TYK2: variants seen among roughly 807,000 people sequenced by gnomAD.
TYK2 encodes non-receptor tyrosine-protein kinase TYK2.
TYK2 carries 65 observed loss-of-function variants against 130.9 expected under a neutral mutation model. The observed-to-expected ratio is 0.50, with a 90% CI of 0.41 to 0.61. TYK2 has a LOEUF of 0.61. Among genes scored for constraint, TYK2 ranks in the 20% least tolerant of loss-of-function variants. TYK2 has a pLI of 0.00. For missense variants in TYK2, 1,378 were observed against 1,610.7 expected (o/e 0.86, Z 2.47); for synonymous variants, 647 against 658.9 (o/e 0.98, Z 0.28).
In TYK2 at chr19:10,350,866, C is replaced by T. The variant is rs747542256; in HGVS notation, c.3532G>A (p.Gly1178Ser). ...ACGCTGAACACTGAAGGGGCCTGGC[C>T]TTGGTACTTCTCATGGACTGTCTTC... ...ILKTVHEKYQ[G>S]QAPSVFSVC The change falls in exon 25 of 25, where the codon GGC (glycine) becomes AGC (serine). Residue 1178 changes from glycine to serine, a missense_variant. Coordinates refer to ENST00000525621, the MANE Select transcript of TYK2 (RefSeq NM_003331.5). 2.5e-6 allele frequency: 4 copies of T among 1,614,022 alleles called. No individual in the cohort carries two copies. The highest frequency in any genetic ancestry group is 1.7e-4 in the Middle Eastern group (1 of 5,944).
intron 14 of TYK2, among the ~76,000 whole-genome samples, chr19:10,359,974 G>A (rs975136420): frequency 6.6e-6 from 1 of 151,200 alleles, no homozygotes; most frequent in African/African-American, 2.4e-5. Context: ...TCACGTCATT[G>A]CACTCCAGCC....
chr19:10,371,896 A>G (rs538211205), intron 3 of TYK2, among the ~76,000 whole-genome samples: 7 of 152,146 alleles, frequency 4.6e-5, no homozygotes, highest in Non-Finnish European at 8.8e-5. Flanking sequence ...AAACATTCTC[A>G]TAAGTGTCCC....
At chr19:10,368,497 T>G in intron 3 of TYK2, 79 bp from the exon 4 acceptor site, 2 of 1,604,024 alleles carry the variant, frequency 1.2e-6, no homozygotes, top group South Asian at 2.2e-5. Context: ...ACCCAATGTC[T>G]GCCTTCACAC....
Position 10,378,371 on chromosome 19 carries a change from A to G in TYK2, c.36T>C (p.Ser12=). ...GCTGGGCTCCATCCCCAACGGGCTT[A>G]CTGCCCCTGGCCATCCCCCAGTGGC... The part of the protein sequence containing the change: ...PLRHWGMARG[S]KPVGDGAQPM... The change falls in exon 3 of 25, where the codon AGT becomes AGC. Residue 12 remains serine, a synonymous_variant. Coordinates refer to ENST00000525621, the MANE Select transcript of TYK2 (RefSeq NM_003331.5). 1 of 1,612,118 alleles carries G rather than the reference A, an allele frequency of 6.2e-7. No homozygotes were observed.
intron 18 of TYK2, among the ~76,000 whole-genome samples, chr19:10,355,485 C>A (rs2041048662): frequency 6.6e-6 from 1 of 150,888 alleles, no homozygotes; most frequent in Non-Finnish European, 1.5e-5. Context: ...ACTAAAAATA[C>A]AAAAATTAGC....
At chr19:10,362,799 C>T in intron 9 of TYK2, 142 bp from the exon 10 acceptor site, 1 of 714,278 alleles carries the variant, frequency 1.4e-6, no homozygotes, top group Non-Finnish European at 2.4e-6. Flanking sequence ...TGTGGGGACA[C>T]TAACTCTGGA....
Position 10,364,518 on chromosome 19 carries a change from C to T in TYK2, c.1367+96G>A, listed in dbSNP as rs991494150. ...GACAAAAAATAAAAAAAAAATAAGA[C>T]GTGCACCTACACACACACCCTGCAC... On this transcript the variant is annotated intron_variant, in intron 9 of 24. Coordinates refer to ENST00000525621, the MANE Select transcript of TYK2 (RefSeq NM_003331.5). This position sits in a 1 kb window ranked among gnomAD's most constrained non-coding sequence, Gnocchi z 4.9. The T allele has an allele frequency of 5.9e-5, 82 of 1,390,940 alleles. No homozygotes were observed. The highest frequency in any genetic ancestry group is 7.7e-5 in the Non-Finnish European group (77 of 996,752). 86.2% of individuals were successfully genotyped at this position (1,390,940 alleles called of 1,614,324 possible). A position where few individuals can be genotyped will look rare whatever the true frequency, so the allele number is the denominator to read the frequency against.
At chr19:10,366,012 A>C in intron 6 of TYK2, 114 bp from the exon 7 acceptor site, 2 of 1,150,400 alleles carry the variant, frequency 1.7e-6, no homozygotes, top group Non-Finnish European at 2.4e-6. Flanking sequence ...TCTGGAAAAC[A>C]GGCACACTAG....
intron 19 of TYK2, 80 bp downstream of exon 19, chr19:10,354,432 C>A (rs1209858604): frequency 3.4e-6 from 5 of 1,460,696 alleles, no homozygotes; most frequent in Non-Finnish European, 3.8e-6. Flanking sequence ...TGAGAATCAC[C>A]TTAGGTAGGA....
chr19:10,361,902 T>G lies in TYK2; in HGVS notation c.1827A>C (p.Arg609=). ...TRTNVYEGRL[R]VEGSGDPEEG... ...CCTCAGGGTCCCCGCTGCCCTCCACTCGCAGGCGGCCCTCATACACGTTGG... is the reference window on the plus strand; with the variant it reads ...CCTCAGGGTCCCCGCTGCCCTCCACGCGCAGGCGGCCCTCATACACGTTGG... Residue 609 remains arginine, a synonymous_variant, in exon 13 of 25, where the codon CGA becomes CGC. Transcript: ENST00000525621. This position sits in a 1 kb window ranked among gnomAD's most constrained non-coding sequence, Gnocchi z 4.0. 1 of 1,613,970 alleles carries G rather than the reference T, an allele frequency of 6.2e-7. No homozygotes were observed. Among genetic ancestry groups the G allele is most frequent in the South Asian group, 1.1e-5 (1 of 91,070 alleles).
chr19:10,362,775 G>A (rs954149278), intron 9 of TYK2, 118 bp from the exon 10 acceptor site: 3 of 861,040 alleles, frequency 3.5e-6, no homozygotes, highest in Non-Finnish European at 5.6e-6. Context: ...ACAAGTGTCA[G>A]ACACAGCCAC....
intron 3 of TYK2, chr19:10,368,674 G>T (rs1053518085): frequency 2.0e-6 from 1 of 489,030 alleles, no homozygotes; most frequent in Non-Finnish European, 3.7e-6. Flanking sequence ...TGGCCAAAGG[G>T]CTGGGTACAT....
chr19:10,357,695 G>C (rs1307908498), intron 17 of TYK2, 69 bp downstream of exon 17: 2 of 1,546,736 alleles, frequency 1.3e-6, no homozygotes, highest in Non-Finnish European at 1.7e-6. Flanking sequence ...TTTGAGCTCT[G>C]ATTCTGTCCT....
Position 10,361,817 on chromosome 19 carries a change from G to A in TYK2, c.1912C>T (p.Arg638Ter), listed in dbSNP as rs201025290. 3.7e-6 allele frequency: 6 copies of A among 1,613,870 alleles called. No individual in the cohort carries two copies. The highest frequency in any genetic ancestry group is 4.5e-5 in the East Asian group (2 of 44,864). The change falls in exon 13 of 25, where the codon CGA becomes TGA. Residue 638 changes from arginine (R) to a stop codon, truncating the protein, a stop_gained. Coordinates refer to ENST00000525621, the MANE Select transcript of TYK2 (RefSeq NM_003331.5). LOFTEE classifies it high-confidence loss of function. The surrounding 1 kb of genome is among the most constrained non-coding windows in gnomAD (Gnocchi z 4.0). ...GGGTCCAGCACTTTGAGCACCACTCGTAGCTCCTGCCCACGGTCCCTGCCA... is the reference window on the plus strand; with the variant it reads ...GGGTCCAGCACTTTGAGCACCACTCATAGCTCCTGCCCACGGTCCCTGCCA... Reference protein sequence around the residue: ...VPGRDRGQELRVVLKVLDPSH... With the variant: ...VPGRDRGQEL
chr19:10,372,289 G>A (rs368626001), intron 3 of TYK2, among the ~76,000 whole-genome samples: 1 of 143,596 alleles, frequency 7.0e-6, no homozygotes, highest in Non-Finnish European at 1.5e-5. Flanking sequence ...CACGGCGCCC[G>A]GCCTGGGTTT....
intron 3 of TYK2, among the ~76,000 whole-genome samples, chr19:10,372,195 G>A (rs1336199551): frequency 4.0e-5 from 6 of 150,622 alleles, no homozygotes; most frequent in South Asian, 2.1e-4. Flanking sequence ...GGGTTTCACC[G>A]TGTTAGCCAG....
At position 10,364,580 on chromosome 19, in the gene TYK2, C is replaced by T. The variant is rs767813296; in HGVS notation, c.1367+34G>A. ...CTCACAGTCTAGTTGGCACCCTTGG[C>T]GGTGGCCCCCAGCGCCCCCCACCCA... On this transcript the variant is annotated intron_variant, in intron 9 of 24. Coordinates refer to ENST00000525621, the MANE Select transcript of TYK2 (RefSeq NM_003331.5). This position sits in a 1 kb window ranked among gnomAD's most constrained non-coding sequence, Gnocchi z 4.9. 35 of 1,611,630 alleles carry T rather than the reference C, an allele frequency of 2.2e-5. No homozygotes were observed. Among genetic ancestry groups the T allele is most frequent in the South Asian group, 3.3e-5 (3 of 91,038 alleles).
At chr19:10,377,655 A>T (rs149202169) in intron 3 of TYK2, among the ~76,000 whole-genome samples, 1 of 980 alleles carries the variant, frequency 1.0e-3, no homozygotes, top group African/African-American at 5.1e-3. Context: ...TGGATGGATG[A>T]ATGGGTGGGT....
chr19:10,380,126 G>A (rs2042312096), intron 1 of TYK2, among the ~76,000 whole-genome samples: 1 of 152,222 alleles, frequency 6.6e-6, no homozygotes, highest in Admixed American at 6.5e-5. Context: ...CAGAGAAAGT[G>A]CCTGGTATAC....
Sources: gnomAD v4.1 joint callset for allele counts (sites outside exome capture counted in the v4.1 genomes callset) on GRCh38, gnomAD v4.1.1 for gene constraint, Gnocchi (gnomAD v3.1) non-coding constraint, MANE v1.5 for transcripts, NCBI Gene and HGNC (gene_info 2026-07-23, HGNC 2026-07-21) for gene names.